TMCO4: variants seen among roughly 807,000 people sequenced by gnomAD.
TMCO4 encodes transmembrane and coiled-coil domain-containing protein 4.
TMCO4 carries 58 observed loss-of-function variants against 64.7 expected under a neutral mutation model. That is an observed-to-expected ratio of 0.90 (90% confidence interval 0.73 to 1.12). The LOEUF (loss-of-function observed/expected upper bound fraction) is 1.12, where lower values mean the gene tolerates loss of function less well. Ranked by LOEUF, TMCO4 falls within the 50% of genes most tolerant of loss-of-function variation. The probability of loss-of-function intolerance (pLI) is 0.00; values close to 1 mark genes in which losing one functional copy is unlikely to be tolerated. For synonymous variants in TMCO4, 325 were observed against 346.1 expected (o/e 0.94, Z 0.68); for missense variants, 780 against 825.9 (o/e 0.94, Z 0.68).
chr1:19,781,826 T>G (rs1200431835), intron 3 of TMCO4, among the ~76,000 whole-genome samples: 1 of 152,096 alleles, frequency 6.6e-6, no homozygotes. Context: ...TTTTGTATTT[T>G]TAGTAGAGAC....
chr1:19,770,717 A>G lies in TMCO4; in HGVS notation c.355-148T>C. The G allele has an allele frequency of 4.1e-6, 3 of 737,234 alleles. No homozygotes were observed. In the South Asian group the frequency reaches 5.6e-5, roughly 14 times the overall value. 45.7% of individuals were successfully genotyped at this position (737,234 alleles called of 1,614,324 possible). On this transcript the variant is annotated intron_variant, in intron 5 of 15. Transcript: ENST00000294543. Reference sequence around the variant, plus strand: ...TCTAGACGTGAGCCAGATGATAAACAGGCAAGCGAAGAAAGAAATACATGA... The same window carrying G: ...TCTAGACGTGAGCCAGATGATAAACGGGCAAGCGAAGAAAGAAATACATGA...
chr1:19,703,900 G>A (rs1334641333), intron 13 of TMCO4, among the ~76,000 whole-genome samples: 3 of 152,184 alleles, frequency 2.0e-5, no homozygotes, highest in Non-Finnish European at 4.4e-5. Context: ...CGCACACTCA[G>A]TTCCTTGCTG....
chr1:19,707,035 A>G (rs767170745), intron 13 of TMCO4, among the ~76,000 whole-genome samples: 2 of 152,210 alleles, frequency 1.3e-5, no homozygotes, highest in Non-Finnish European at 2.9e-5. Flanking sequence ...TTTGTGCTTA[A>G]AAACCTCCCA....
At chr1:19,788,687 A>G (rs866164471) in intron 2 of TMCO4, among the ~76,000 whole-genome samples, 1 of 152,236 alleles carries the variant, frequency 6.6e-6, no homozygotes. Flanking sequence ...CATCACAGAA[A>G]TTAGCAAATG....
intron 11 of TMCO4, 103 bp downstream of exon 11, chr1:19,740,674 G>A (rs1461871222): frequency 6.7e-6 from 9 of 1,338,472 alleles, no homozygotes; most frequent in Admixed American, 2.2e-5. Flanking sequence ...GGTCCAGCAC[G>A]GTGCCTGCCC....
intron 13 of TMCO4, among the ~76,000 whole-genome samples, chr1:19,711,771 C>T (rs2095331762): frequency 6.6e-6 from 1 of 152,192 alleles, no homozygotes; most frequent in Non-Finnish European, 1.5e-5. Flanking sequence ...GATTCTCCTG[C>T]CTCAGCCTCC....
chr1:19,739,800 G>A (rs769673760), intron 12 of TMCO4, 24 bp downstream of exon 12: 30 of 1,608,396 alleles, frequency 1.9e-5, no homozygotes, highest in African/African-American at 4.0e-5. Context: ...TCAATGCCAC[G>A]CCCACACAGC....
rs559661206 is a variant in TMCO4, at chr1:19,746,527, G to T, written c.686C>A (p.Ala229Glu). The change falls in exon 9 of 16, where the codon GCG becomes GAG. Residue 229 changes from alanine to glutamate, a missense_variant. Coordinates refer to ENST00000294543, the MANE Select transcript of TMCO4 (RefSeq NM_181719.7). ...AATIIGSAGA[A>E]ALGSAAGIAI... ...TATGCCGGCTGCTGAGCCCAGAGCC[G>T]CTGCCCCGGCGCTGCCAATAATCGT... The T allele has an allele frequency of 1.2e-6, 2 of 1,611,176 alleles. No individual in the cohort carries two copies. Among genetic ancestry groups the T allele is most frequent in the East Asian group, 2.2e-5 (1 of 44,798 alleles).
chr1:19,725,769 G>C lies in TMCO4; in HGVS notation c.1264+11603C>G, dbSNP rs563173515. Among the ~76,000 whole-genome samples, 4 of 152,342 alleles carry C rather than the reference G, an allele frequency of 2.6e-5. No homozygotes were observed. In the South Asian group the frequency reaches 8.3e-4, roughly 32 times the overall value. ...ATTTGGCAGGTGCATGTTTTGTCTT[G>C]GTTTTGAGTGGGCAGAGTCGTTACC... On this transcript the variant is annotated intron_variant, in intron 13 of 15. Coordinates refer to ENST00000294543, the MANE Select transcript of TMCO4 (RefSeq NM_181719.7).
At chr1:19,683,503 G>A in intron 15 of TMCO4, 59 bp from the exon 16 acceptor site, 1 of 1,578,218 alleles carries the variant, frequency 6.3e-7, no homozygotes, top group South Asian at 1.1e-5. Flanking sequence ...CCTCCCCAGG[G>A]ACCTCCGGCC....
At chr1:19,700,324 A>G (rs982358788) in intron 14 of TMCO4, among the ~76,000 whole-genome samples, 1 of 151,888 alleles carries the variant, frequency 6.6e-6, no homozygotes, top group Non-Finnish European at 1.5e-5. Flanking sequence ...CCAAGGCAGC[A>G]CTCAGAAAGC....
intron 6 of TMCO4, among the ~76,000 whole-genome samples, chr1:19,765,803 T>C (rs2042712539): frequency 6.6e-6 from 1 of 152,082 alleles, no homozygotes; most frequent in Non-Finnish European, 1.5e-5. Flanking sequence ...AGGTCAACCT[T>C]CCAGGAAGTT....
At chr1:19,698,687 C>T (rs1288979870) in intron 14 of TMCO4, among the ~76,000 whole-genome samples, 1 of 152,190 alleles carries the variant, frequency 6.6e-6, no homozygotes, top group Non-Finnish European at 1.5e-5. Context: ...TTTTGATCTA[C>T]ACTCTCTCTC....
At chr1:19,799,135 T>A (rs1170055975) in intron 1 of TMCO4, 1 of 152,652 alleles carries the variant, frequency 6.6e-6, no homozygotes, top group Non-Finnish European at 1.5e-5. Flanking sequence ...TTTTTATCTC[T>A]TGCTTCCTAG....
chr1:19,733,857 C>T (rs893045913), intron 13 of TMCO4, among the ~76,000 whole-genome samples: 1 of 151,890 alleles, frequency 6.6e-6, no homozygotes, highest in East Asian at 1.9e-4. Flanking sequence ...TGCTCTGCCA[C>T]CTCCTAGCCG....
At chr1:19,727,949 C>G (rs138268523) in intron 13 of TMCO4, among the ~76,000 whole-genome samples, 1,796 of 152,288 alleles carry the variant, frequency 0.012, 36 homozygotes, top group African/African-American at 0.041. Context: ...CAAACTAATG[C>G]AGGTACAGAA....
At chr1:19,702,638 G>A (rs888772272) in intron 13 of TMCO4, among the ~76,000 whole-genome samples, 5 of 152,040 alleles carry the variant, frequency 3.3e-5, no homozygotes, top group Non-Finnish European at 5.9e-5. Context: ...CACACCTATA[G>A]TCCCAGCTAC....
Position 19,791,799 on chromosome 1 carries a change from T to C in TMCO4, c.-100-4682A>G, listed in dbSNP as rs2044053484. 2.0e-5 allele frequency among the ~76,000 whole-genome samples: 3 copies of C among 152,192 alleles called. 1 individual carries two copies. The South Asian group carries it at 6.2e-4, about 32-fold the overall frequency. On this transcript the variant is annotated intron_variant, in intron 2 of 15. Transcript: ENST00000294543. ...GGAAGGAGGAGCTCCCAGCTCCCGGTAGCCTCCTGAGGTTCTTGTCCCGGG... is the reference window on the plus strand; with the variant it reads ...GGAAGGAGGAGCTCCCAGCTCCCGGCAGCCTCCTGAGGTTCTTGTCCCGGG...
At chr1:19,695,422 C>T (rs116206245) in intron 14 of TMCO4, among the ~76,000 whole-genome samples, 1,920 of 152,362 alleles carry the variant, frequency 0.013, 43 homozygotes, top group African/African-American at 0.044. Flanking sequence ...AGCAAGTCTG[C>T]GCACAGGCAA....
Sources: gnomAD v4.1 joint callset for allele counts (sites outside exome capture counted in the v4.1 genomes callset) on GRCh38, gnomAD v4.1.1 for gene constraint, MANE v1.5 for transcripts, NCBI Gene and HGNC (gene_info 2026-07-23, HGNC 2026-07-21) for gene names.